GABPA: variants seen among roughly 807,000 people sequenced by gnomAD.
GABPA encodes the protein GA binding protein transcription factor subunit alpha, also known as GA-binding protein alpha chain.
Under a neutral mutation model 59.4 loss-of-function variants are expected in GABPA, and 4 were observed. That is an observed-to-expected ratio of 0.07 (90% CI 0.03 to 0.15). The LOEUF (loss-of-function observed/expected upper bound fraction) is 0.15. GABPA is among the 10% of genes least tolerant of loss of function. The pLI is 1.00. For missense variants in GABPA, 251 were observed against 543.8 expected (o/e 0.46, Z 5.36); for synonymous variants, 164 against 183.1 (o/e 0.90, Z 0.84).
intron 1 of GABPA, among the ~76,000 whole-genome samples, chr21:25,737,317 G>A (rs1240125980): frequency 2.6e-5 from 4 of 152,182 alleles, no homozygotes; most frequent in Non-Finnish European, 5.9e-5. Flanking sequence ...CAGAAAAAGA[G>A]ATAAGACTCA....
intron 2 of GABPA, among the ~76,000 whole-genome samples, chr21:25,742,282 C>G (rs1347835447): frequency 6.6e-6 from 1 of 152,038 alleles, no homozygotes; most frequent in Non-Finnish European, 1.5e-5. Context: ...AACAAGAAGA[C>G]TGAGGAAAGT....
chr21:25,744,130 A>G (rs1327247693), intron 2 of GABPA, among the ~76,000 whole-genome samples: 1 of 151,920 alleles, frequency 6.6e-6, no homozygotes, highest in Non-Finnish European at 1.5e-5. Flanking sequence ...ACCTTAACAA[A>G]TAACAATAGT....
At chr21:25,749,481 A>G (rs928265) in intron 4 of GABPA, among the ~76,000 whole-genome samples, 18,824 of 152,156 alleles carry the variant, frequency 0.12, 1,293 homozygotes, top group East Asian at 0.3. Context: ...CCTGGAAGCT[A>G]CCATGGTAGC....
At chr21:25,756,384 G>C (rs1262424415) in intron 5 of GABPA, among the ~76,000 whole-genome samples, 1 of 151,700 alleles carries the variant, frequency 6.6e-6, no homozygotes, top group Non-Finnish European at 1.5e-5. Context: ...CTTTTCCTTG[G>C]CGTCCCTCTG....
At position 25,752,158 on chromosome 21, in the gene GABPA, T is replaced by C. The variant is rs777150599; in HGVS notation, c.477T>C (p.Thr159=). Residue 159 remains threonine (T), a synonymous_variant, in exon 5 of 10, where the codon ACT becomes ACC. Transcript: ENST00000400075. The part of the protein sequence containing the change: ...TKHITTISDE[T]SEQVTRWAAA... ...ACATCACAACCATTTCAGATGAAACTTCAGAACAAGTGACAAGATGGGCTG... is the reference window on the plus strand; with the variant it reads ...ACATCACAACCATTTCAGATGAAACCTCAGAACAAGTGACAAGATGGGCTG... 7.6e-5 allele frequency: 123 copies of C among 1,611,026 alleles called. 1 individual carries two copies. Among genetic ancestry groups the C allele is most frequent in the Non-Finnish European group, 1.0e-4 (121 of 1,177,744 alleles).
chr21:25,750,970 A>G (rs1353448666), intron 4 of GABPA, among the ~76,000 whole-genome samples: 1 of 152,188 alleles, frequency 6.6e-6, no homozygotes, highest in Non-Finnish European at 1.5e-5. Flanking sequence ...TTCTTGCAAT[A>G]CTGGTTTTCA....
Position 25,752,134 on chromosome 21 carries a change from C to T in GABPA, c.453C>T (p.His151=). 6.2e-7 allele frequency: 1 copy of T among 1,609,222 alleles called. No individual in the cohort carries two copies. Residue 151 remains histidine (H), a synonymous_variant, in exon 5 of 10, where the codon CAC becomes CAT. Coordinates refer to ENST00000400075, the MANE Select transcript of GABPA (RefSeq NM_002040.4). ...AQVITLDGTK[H]ITTISDETSE... is the part of the protein sequence containing the mutation. Reference sequence around the variant, plus strand: ...TGATAACTCTTGATGGCACAAAACACATCACAACCATTTCAGATGAAACTT... The same window carrying T: ...TGATAACTCTTGATGGCACAAAACATATCACAACCATTTCAGATGAAACTT...
chr21:25,750,781 A>C (rs2829890), intron 4 of GABPA, among the ~76,000 whole-genome samples: 18,814 of 152,208 alleles, frequency 0.12, 1,293 homozygotes, highest in East Asian at 0.3. Flanking sequence ...TTAAAAGCCT[A>C]GTGACCTCTT....
At chr21:25,752,948 A>C (rs2035550347) in intron 5 of GABPA, among the ~76,000 whole-genome samples, 1 of 152,214 alleles carries the variant, frequency 6.6e-6, no homozygotes, top group African/African-American at 2.4e-5. Context: ...GGATGAAAAC[A>C]GTGATAGGAC....
In GABPA at chr21:25,772,315, C is replaced by T. The variant is rs1159244933; in HGVS notation, c.*3083C>T. On this transcript the variant is annotated 3_prime_UTR_variant, in exon 10 of 10. Coordinates refer to ENST00000400075, the MANE Select transcript of GABPA (RefSeq NM_002040.4). ...ATAACGACAACGACACTTATACTGT[C>T]ATAATAACAATTATGTATTTCTTTG... 1 of 151,972 alleles carries T rather than the reference C, an allele frequency of 6.6e-6. No individual in the cohort carries two copies. The highest frequency in any genetic ancestry group is 2.4e-5 in the African/African-American group (1 of 41,390). The allele number at this position is 151,972 out of a possible 1,614,324, so 9.4% of individuals were successfully genotyped here.
At chr21:25,765,213 G>GT (rs1568953747) in intron 9 of GABPA, among the ~76,000 whole-genome samples, 3 of 151,902 alleles carry the variant, frequency 2.0e-5, no homozygotes, top group Non-Finnish European at 2.9e-5. Context: ...CAAACTCTCC[G>GT]TAAGTAGTAT....
chr21:25,764,135 A>T, intron 7 of GABPA, 75 bp from the exon 8 acceptor site: 1 of 1,307,444 alleles, frequency 7.6e-7, no homozygotes, highest in Non-Finnish European at 1.0e-6. Flanking sequence ...TTAAAGTGAT[A>T]ATGTCTTTCA....
chr21:25,767,129 A>G (rs186868955), intron 9 of GABPA, among the ~76,000 whole-genome samples: 15 of 152,114 alleles, frequency 9.9e-5, no homozygotes, highest in African/African-American at 3.4e-4. Flanking sequence ...AAGAAAAAGC[A>G]GTCAAATTAC....
At chr21:25,740,135 T>TA (rs937972001) in intron 1 of GABPA, among the ~76,000 whole-genome samples, 2 of 152,224 alleles carry the variant, frequency 1.3e-5, no homozygotes, top group African/African-American at 4.8e-5. Flanking sequence ...CTTAGGTTGA[T>TA]ACACCAAAAC....
At chr21:25,766,377 A>G (rs2035890173) in intron 9 of GABPA, among the ~76,000 whole-genome samples, 1 of 152,036 alleles carries the variant, frequency 6.6e-6, no homozygotes, top group Non-Finnish European at 1.5e-5. Flanking sequence ...CAGAATCAAA[A>G]GGACTAATTC....
At chr21:25,755,098 A>C (rs1040806266) in intron 5 of GABPA, among the ~76,000 whole-genome samples, 1 of 152,072 alleles carries the variant, frequency 6.6e-6, no homozygotes, top group South Asian at 2.1e-4. Context: ...ATTAATGCGA[A>C]GTTCTGAAGG....
chr21:25,752,289 T>C (rs2035532385), intron 5 of GABPA, 55 bp downstream of exon 5: 1 of 1,515,782 alleles, frequency 6.6e-7, no homozygotes. Context: ...AAGCTTGACA[T>C]AGAAGACACT....
At chr21:25,763,170 G>T (rs1429407248) in intron 7 of GABPA, 5 of 511,922 alleles carry the variant, frequency 9.8e-6, no homozygotes, top group Admixed American at 9.6e-5. Context: ...TGGCATGTTT[G>T]GGTTTGGGTA....
At chr21:25,757,899 T>A (rs1156452631) in intron 5 of GABPA, 111 bp from the exon 6 acceptor site, 1 of 353,682 alleles carries the variant, frequency 2.8e-6, no homozygotes, top group Non-Finnish European at 5.2e-6. Flanking sequence ...TTACCTCATA[T>A]ACTTGGGGAA....
Sources: allele counts gnomAD v4.1 joint callset (sites outside exome capture counted in the v4.1 genomes callset), GRCh38; gene constraint gnomAD v4.1.1; transcripts MANE v1.5; gene names NCBI Gene and HGNC (gene_info 2026-07-23, HGNC 2026-07-21).